Variants in GPD2 observed in about 807,000 individuals in gnomAD.
The protein encoded by GPD2 is glycerol-3-phosphate dehydrogenase 2.
In GPD2, 54 loss-of-function variants were observed where a neutral mutation model predicts 82.4. The ratio of observed to expected loss-of-function variants is 0.66; its 90% CI spans 0.53 to 0.82. The LOEUF (loss-of-function observed/expected upper bound fraction) is 0.82, where lower values mean the gene tolerates loss of function less well. Ranked by LOEUF, GPD2 falls within the 40% of genes least tolerant of loss-of-function variation. The pLI, the probability that GPD2 is intolerant of heterozygous loss-of-function variation, is 0.00. For missense variants in GPD2, 748 were observed against 896.2 expected (o/e 0.83, Z 2.11); for synonymous variants, 288 against 306.1 (o/e 0.94, Z 0.62).
At chr2:156,455,142 T>C (rs1682746396) in intron 1 of GPD2, among the ~76,000 whole-genome samples, 1 of 152,152 alleles carries the variant, frequency 6.6e-6, no homozygotes. Flanking sequence ...CTGTAATGAC[T>C]GTGGTTGTCT....
At chr2:156,444,985 A>G (rs1357445526) in intron 1 of GPD2, among the ~76,000 whole-genome samples, 1 of 152,176 alleles carries the variant, frequency 6.6e-6, no homozygotes, top group Non-Finnish European at 1.5e-5. Flanking sequence ...CCTGGCCTCA[A>G]GTGATCCTCC....
At chr2:156,525,151 C>A (rs1558942428) in intron 6 of GPD2, among the ~76,000 whole-genome samples, 1 of 152,054 alleles carries the variant, frequency 6.6e-6, no homozygotes, top group Non-Finnish European at 1.5e-5. Flanking sequence ...GTAATGAGAT[C>A]TTTTTCTGAG....
intron 1 of GPD2, among the ~76,000 whole-genome samples, chr2:156,472,973 T>C (rs2105196022): frequency 6.6e-6 from 1 of 152,342 alleles, no homozygotes; most frequent in Non-Finnish European, 1.5e-5. Context: ...CTGATGTGTA[T>C]AAAGAATTAA....
intron 1 of GPD2, among the ~76,000 whole-genome samples, chr2:156,465,562 G>A (rs1474421483): frequency 6.6e-6 from 1 of 151,832 alleles, no homozygotes; most frequent in Non-Finnish European, 1.5e-5. Flanking sequence ...ACAGGGTCTC[G>A]CTTCCCAGGT....
At chr2:156,484,085 C>T (rs1683840275) in intron 2 of GPD2, among the ~76,000 whole-genome samples, 1 of 141,348 alleles carries the variant, frequency 7.1e-6, no homozygotes, top group Non-Finnish European at 1.5e-5. Context: ...AAACAATATT[C>T]TATCTGCAGA....
intron 6 of GPD2, among the ~76,000 whole-genome samples, chr2:156,515,243 A>G (rs1248726414): frequency 6.6e-6 from 1 of 152,116 alleles, no homozygotes; most frequent in African/African-American, 2.4e-5. Context: ...TCTACTAAAA[A>G]TACAAGAAAT....
intron 6 of GPD2, among the ~76,000 whole-genome samples, chr2:156,542,923 G>T (rs964344522): frequency 3.3e-5 from 5 of 152,108 alleles, no homozygotes; most frequent in African/African-American, 9.7e-5. Context: ...TTAGAATGAA[G>T]TTCCATAGGA....
chr2:156,574,797 CT>C (rs1364365260), intron 13 of GPD2, among the ~76,000 whole-genome samples: 6 of 152,016 alleles, frequency 3.9e-5, no homozygotes, highest in African/African-American at 1.4e-4. Flanking sequence ...GGAAAAAATA[CT>C]TAGGGCACCA....
At chr2:156,576,642 G>A (rs1687832109) in intron 13 of GPD2, among the ~76,000 whole-genome samples, 1 of 152,164 alleles carries the variant, frequency 6.6e-6, no homozygotes, top group Non-Finnish European at 1.5e-5. Context: ...TTTAGACAAA[G>A]GCTTTGTTCT....
intron 1 of GPD2, among the ~76,000 whole-genome samples, chr2:156,458,229 C>T (rs1208908959): frequency 2.6e-5 from 4 of 152,208 alleles, no homozygotes; most frequent in Non-Finnish European, 4.4e-5. Context: ...CTCTGTGCAT[C>T]TGTGGACTTC....
intron 1 of GPD2, among the ~76,000 whole-genome samples, chr2:156,437,167 C>CAAATCACACATTAT (rs1176299645): frequency 6.6e-6 from 1 of 152,066 alleles, no homozygotes; most frequent in East Asian, 1.9e-4. Flanking sequence ...ATGGGCAACC[C>CAAATCACACATTAT]AAATCACACA....
chr2:156,569,280 G>T (rs1033255491), intron 10 of GPD2, 83 bp from the exon 11 acceptor site: 4 of 918,810 alleles, frequency 4.4e-6, no homozygotes, highest in African/African-American at 1.6e-5. Context: ...GGAAAATTTT[G>T]TTATTGGTAA....
In GPD2 at chr2:156,496,040, T is replaced by C; in HGVS notation, c.103-4T>C. On this transcript the variant is annotated splice_region_variant and splice_polypyrimidine_tract_variant and intron_variant, in intron 2 of 16. Transcript: ENST00000438166. Reference sequence around the variant, plus strand: ...CAACTGAAAGTGATCTGCTTTTACATCAGATGAACCTGGCCTATGTTAAAG... The same window carrying C: ...CAACTGAAAGTGATCTGCTTTTACACCAGATGAACCTGGCCTATGTTAAAG... The C allele has an allele frequency of 6.2e-7, 1 of 1,608,196 alleles. No homozygotes were observed. The highest frequency in any genetic ancestry group is 8.5e-7 in the Non-Finnish European group (1 of 1,175,366).
chr2:156,583,952 T>C lies in GPD2; in HGVS notation c.*1034T>C, dbSNP rs1688123132. On this transcript the variant is annotated 3_prime_UTR_variant, in exon 17 of 17. Coordinates refer to ENST00000438166, the MANE Select transcript of GPD2 (RefSeq NM_000408.5). ...TACTTGCAACCATAGTAAAGGAAGA[T>C]GGAATAGACTTTAGTTAACTTTAAT... is the stretch of plus-strand genomic sequence containing the variant. The C allele has an allele frequency of 6.6e-6, 1 of 152,256 alleles. No individual in the cohort carries two copies. The highest frequency in any genetic ancestry group is 6.6e-5 in the Admixed American group (1 of 15,234). The allele number at this position is 152,256 out of a possible 1,614,324, so 9.4% of individuals were successfully genotyped here. A position where few individuals can be genotyped will look rare whatever the true frequency, so the allele number is the denominator to read the frequency against.
rs1441828496 is a variant in GPD2, at chr2:156,466,531, A to G, written c.-8-9567A>G. 2.6e-5 allele frequency among the ~76,000 whole-genome samples: 4 copies of G among 152,200 alleles called. No homozygotes were observed. The East Asian group carries it at 5.8e-4, about 22-fold the overall frequency. ...GAAAGCATAAGTATGTTATATGGCA[A>G]TTGCCTTGGAAATGGCATATATTTT... On this transcript the variant is annotated intron_variant, in intron 1 of 16. Coordinates refer to ENST00000438166, the MANE Select transcript of GPD2 (RefSeq NM_000408.5).
At chr2:156,499,301 A>G (rs1018153642) in intron 3 of GPD2, among the ~76,000 whole-genome samples, 3 of 152,158 alleles carry the variant, frequency 2.0e-5, no homozygotes, top group South Asian at 4.1e-4. Context: ...TATTACTGAG[A>G]GTAGAGGTAC....
At chr2:156,573,533 A>T (rs907608828) in intron 13 of GPD2, among the ~76,000 whole-genome samples, 7 of 152,308 alleles carry the variant, frequency 4.6e-5, no homozygotes, top group Non-Finnish European at 7.4e-5. Context: ...TGATTTGAAT[A>T]TGCAGGAACA....
At chr2:156,448,159 A>C (rs1386844488) in intron 1 of GPD2, among the ~76,000 whole-genome samples, 1 of 149,548 alleles carries the variant, frequency 6.7e-6, no homozygotes, top group African/African-American at 2.5e-5. Flanking sequence ...CCCAGGCTGG[A>C]GTGCAGTGGC....
Position 156,569,397 on chromosome 2 carries a change from A to G in GPD2, c.1335A>G (p.Glu445=). The change falls in exon 11 of 17, where the codon GAA becomes GAG. Residue 445 remains glutamate (E), a synonymous_variant. Coordinates refer to ENST00000438166, the MANE Select transcript of GPD2 (RefSeq NM_000408.5). ...GKWTTYRSMA[E]DTINAAVKTH... is the part of the protein sequence containing the mutation. ...GGACAACTTATCGGTCTATGGCAGA[A>G]GATACCATAAATGCTGCTGTCAAAA... is the stretch of plus-strand genomic sequence containing the variant. 2 of 1,611,088 alleles carry G rather than the reference A, an allele frequency of 1.2e-6. No individual in the cohort carries two copies. Among genetic ancestry groups the G allele is most frequent in the Non-Finnish European group, 1.7e-6 (2 of 1,177,378 alleles).
Sources: gnomAD v4.1 joint callset for allele counts (sites outside exome capture counted in the v4.1 genomes callset) on GRCh38, gnomAD v4.1.1 for gene constraint, MANE v1.5 for transcripts, NCBI Gene and HGNC (gene_info 2026-07-23, HGNC 2026-07-21) for gene names.